RNGTT: variants seen among roughly 807,000 people sequenced by gnomAD.
The protein encoded by RNGTT is RNA guanylyltransferase and 5'-phosphatase, also known as mRNA-capping enzyme.
Under a neutral mutation model 79.3 loss-of-function variants are expected in RNGTT, and 33 were observed. The ratio of observed to expected loss-of-function variants is 0.42; its 90% CI spans 0.32 to 0.56. The LOEUF (loss-of-function observed/expected upper bound fraction) is 0.56. Among genes scored for constraint, RNGTT ranks in the 20% least tolerant of loss-of-function variants. The pLI, the probability that RNGTT is intolerant of heterozygous loss-of-function variation, is 0.17. For missense variants in RNGTT, 497 were observed against 739.1 expected (o/e 0.67, Z 3.80); for synonymous variants, 222 against 235.9 (o/e 0.94, Z 0.54).
At chr6:88,747,990 C>G (rs1239060084) in intron 13 of RNGTT, among the ~76,000 whole-genome samples, 1 of 152,130 alleles carries the variant, frequency 6.6e-6, no homozygotes. Flanking sequence ...TTTAGTTTAA[C>G]TAAACTAACA....
chr6:88,698,260 A>AAATATATATATGATATATATATTTCAT (rs1562202296), intron 13 of RNGTT, among the ~76,000 whole-genome samples: 1 of 95,428 alleles, frequency 1.0e-5, no homozygotes, highest in African/African-American at 9.2e-5. Flanking sequence ...TATATATATA[A>AAATATATATATGATATATATATTTCAT]ATATATATGA....
intron 14 of RNGTT, among the ~76,000 whole-genome samples, chr6:88,633,126 T>C (rs1366949206): frequency 6.6e-6 from 1 of 152,210 alleles, no homozygotes; most frequent in African/African-American, 2.4e-5. Context: ...TGACATATTA[T>C]TGCAGGGTAT....
intron 12 of RNGTT, among the ~76,000 whole-genome samples, chr6:88,795,036 T>G (rs184870901): frequency 6.6e-6 from 1 of 152,152 alleles, no homozygotes; most frequent in African/African-American, 2.4e-5. Flanking sequence ...TAGGCTGTCA[T>G]GGAAGGAAAG....
intron 13 of RNGTT, among the ~76,000 whole-genome samples, chr6:88,685,129 CA>C (rs781593087): frequency 3.9e-5 from 6 of 151,976 alleles, no homozygotes; most frequent in African/African-American, 9.7e-5. Flanking sequence ...GCCAGGAGAT[CA>C]GGGGGAGGAA....
intron 13 of RNGTT, among the ~76,000 whole-genome samples, chr6:88,739,751 A>G (rs1293860024): frequency 2.1e-4 from 11 of 52,640 alleles, no homozygotes; most frequent in Non-Finnish European, 4.8e-4. Context: ...ATATATATAT[A>G]TATATATATA....
intron 11 of RNGTT, among the ~76,000 whole-genome samples, chr6:88,834,727 T>C (rs1040946372): frequency 3.3e-5 from 5 of 152,148 alleles, no homozygotes; most frequent in African/African-American, 1.2e-4. Flanking sequence ...TAACAAGCCT[T>C]ATGGTTTTAT....
intron 13 of RNGTT, among the ~76,000 whole-genome samples, chr6:88,754,749 T>C (rs1244705743): frequency 6.6e-6 from 1 of 152,210 alleles, no homozygotes; most frequent in African/African-American, 2.4e-5. Flanking sequence ...AAGGCGTTCT[T>C]AAACCACAAA....
chr6:88,712,500 G>C (rs1208496231), intron 13 of RNGTT, among the ~76,000 whole-genome samples: 1 of 151,994 alleles, frequency 6.6e-6, no homozygotes, highest in Non-Finnish European at 1.5e-5. Flanking sequence ...GTAGAGATAG[G>C]GTCTCACCAT....
chr6:88,649,960 T>C (rs1447255557), intron 14 of RNGTT, among the ~76,000 whole-genome samples: 2 of 152,098 alleles, frequency 1.3e-5, no homozygotes, highest in East Asian at 3.9e-4. Context: ...ATGAACAGAA[T>C]TGTCTTTACT....
chr6:88,740,781 G>A (rs1777461225), intron 13 of RNGTT, among the ~76,000 whole-genome samples: 1 of 152,062 alleles, frequency 6.6e-6, no homozygotes, highest in Non-Finnish European at 1.5e-5. Flanking sequence ...GACGAGGGGA[G>A]GGAACGTAGG....
At chr6:88,962,547 C>A (rs1430307072) in intron 1 of RNGTT, among the ~76,000 whole-genome samples, 5 of 151,860 alleles carry the variant, frequency 3.3e-5, no homozygotes, top group South Asian at 4.2e-4. Flanking sequence ...CCGAGGCGGG[C>A]GGATCACTTG....
intron 14 of RNGTT, among the ~76,000 whole-genome samples, chr6:88,647,025 A>T (rs1472423858): frequency 6.8e-6 from 1 of 147,270 alleles, no homozygotes; most frequent in Non-Finnish European, 1.5e-5. Flanking sequence ...GCATAATAAA[A>T]ATATATATAT....
intron 8 of RNGTT, among the ~76,000 whole-genome samples, chr6:88,886,372 C>T (rs1782861982): frequency 6.6e-6 from 1 of 152,126 alleles, no homozygotes; most frequent in Non-Finnish European, 1.5e-5. Context: ...TGATCCTGGA[C>T]TGGATCCTGG....
intron 11 of RNGTT, among the ~76,000 whole-genome samples, chr6:88,812,324 T>C (rs1780165119): frequency 6.6e-6 from 1 of 152,234 alleles, no homozygotes; most frequent in African/African-American, 2.4e-5. Flanking sequence ...CTAGAAAATA[T>C]ACCCTCTTAA....
intron 14 of RNGTT, among the ~76,000 whole-genome samples, chr6:88,634,964 G>A (rs1472173907): frequency 6.6e-6 from 1 of 151,876 alleles, no homozygotes; most frequent in Admixed American, 6.6e-5. Context: ...ATGGGATACC[G>A]AATTTTGGAG....
Position 88,714,980 on chromosome 6 carries a change from G to T in RNGTT, c.1440-36561C>A, listed in dbSNP as rs181355803. On this transcript the variant is annotated intron_variant, in intron 13 of 15. Coordinates refer to ENST00000369485, the MANE Select transcript of RNGTT (RefSeq NM_003800.5). Reference sequence around the variant, plus strand: ...TTCTGGCCAGGGCAATTAGCCAGGAGAAGGAAATAAAGGGTATTCAATTAG... The same window carrying T: ...TTCTGGCCAGGGCAATTAGCCAGGATAAGGAAATAAAGGGTATTCAATTAG... Among the ~76,000 whole-genome samples the T allele has an allele frequency of 7.2e-5, 11 of 152,262 alleles. No homozygotes were observed. In the East Asian group the frequency reaches 2.1e-3, roughly 29 times the overall value.
intron 11 of RNGTT, among the ~76,000 whole-genome samples, chr6:88,802,061 C>G (rs939494897): frequency 2.6e-5 from 4 of 152,082 alleles, no homozygotes; most frequent in Admixed American, 6.6e-5. Context: ...TAAACACACA[C>G]AAAAACAGGA....
intron 11 of RNGTT, among the ~76,000 whole-genome samples, chr6:88,830,089 G>A (rs1044179559): frequency 2.0e-5 from 3 of 151,968 alleles, no homozygotes; most frequent in African/African-American, 4.8e-5. Context: ...CATAATGTAC[G>A]TTCTTCTCAG....
intron 12 of RNGTT, among the ~76,000 whole-genome samples, chr6:88,788,541 T>C (rs895676120): frequency 6.6e-6 from 1 of 152,234 alleles, no homozygotes; most frequent in African/African-American, 2.4e-5. Flanking sequence ...TCGAACATCA[T>C]TTACTTAGCA....
Sources: allele counts gnomAD v4.1 joint callset (sites outside exome capture counted in the v4.1 genomes callset), GRCh38; gene constraint gnomAD v4.1.1; transcripts MANE v1.5; gene names NCBI Gene and HGNC (gene_info 2026-07-23, HGNC 2026-07-21).